AKAP9: variants seen among roughly 807,000 people sequenced by gnomAD.
The protein encoded by AKAP9 is A-kinase anchoring protein 9.
Under a neutral mutation model 488.5 loss-of-function variants are expected in AKAP9, and 311 were observed. The observed-to-expected ratio is 0.64, with a 90% CI of 0.58 to 0.70. The LOEUF is 0.70. AKAP9 is among the 30% of genes least tolerant of loss of function. AKAP9 has a pLI of 0.00. For missense variants in AKAP9, 4,215 were observed against 4,374.5 expected (o/e 0.96, Z 1.03); for synonymous variants, 1,462 against 1,483.5 (o/e 0.99, Z 0.33).
intron 31 of AKAP9, among the ~76,000 whole-genome samples, chr7:92,081,240 CAGAA>C (rs1365538415): frequency 6.6e-6 from 1 of 151,200 alleles, no homozygotes; most frequent in Admixed American, 6.6e-5. Context: ...GCAGACTTTA[CAGAA>C]AGAAATCTAT....
intron 28 of AKAP9, among the ~76,000 whole-genome samples, chr7:92,073,972 T>C (rs1812150843): frequency 6.6e-6 from 1 of 152,190 alleles, no homozygotes; most frequent in South Asian, 2.1e-4. Flanking sequence ...AAGGACTTCA[T>C]GTCTAAAACA....
Position 92,083,170 on chromosome 7 carries a change from G to C in AKAP9, c.8161G>C (p.Val2721Leu), listed in dbSNP as rs752167348. Reference sequence around the variant, plus strand: ...TACTGTTCTATTCATTACGTTTTAGGTAAAAGAAACAAATATGACATCTCT... The same window carrying C: ...TACTGTTCTATTCATTACGTTTTAGCTAAAAGAAACAAATATGACATCTCT... ...KAEKLQEELLVKETNMTSLQK... is the reference protein window; with the variant it reads ...KAEKLQEELLLKETNMTSLQK... The change falls in exon 33 of 50, where the codon GTA (valine) becomes CTA (leucine). Residue 2721 changes from valine (V) to leucine (L), a missense_variant and splice_region_variant. Coordinates refer to ENST00000356239, the MANE Select transcript of AKAP9 (RefSeq NM_005751.5). 21 of 1,613,596 alleles carry C rather than the reference G, an allele frequency of 1.3e-5. 1 individual carries two copies. The Admixed American group carries it at 3.0e-4, about 23-fold the overall frequency.
rs767049697 is a variant in AKAP9 at position 92,040,834 on chromosome 7, GAC to G, written c.4855_4856del (p.Gln1619AlafsTer12). The G allele has an allele frequency of 6.2e-7, 1 of 1,613,966 alleles. No individual in the cohort carries two copies. Among genetic ancestry groups the G allele is most frequent in the South Asian group, 1.1e-5 (1 of 91,058 alleles). The stretch of plus-strand genomic sequence containing the variant: ...CAAGCACATATGCGGCAAATGGAGA[GAC>G]AGCGAGAAGACCAGGAACAGCTACA... On this transcript the variant is annotated frameshift_variant, in exon 18 of 50. Coordinates refer to ENST00000356239, the MANE Select transcript of AKAP9 (RefSeq NM_005751.5). LOFTEE classifies it high-confidence loss of function.
intron 1 of AKAP9, among the ~76,000 whole-genome samples, chr7:91,955,298 A>G (rs1321372971): frequency 6.6e-6 from 1 of 152,230 alleles, no homozygotes; most frequent in Non-Finnish European, 1.5e-5. Context: ...GAATATATGT[A>G]AAATGTATGT....
intron 27 of AKAP9, 77 bp from the exon 28 acceptor site, chr7:92,070,828 A>G: frequency 1.1e-6 from 1 of 878,606 alleles, no homozygotes. Flanking sequence ...AAAAAAAAGC[A>G]GACCAAAAAA....
chr7:92,091,593 A>C (rs1349646170), intron 38 of AKAP9, among the ~76,000 whole-genome samples: 21 of 150,412 alleles, frequency 1.4e-4, no homozygotes, highest in Non-Finnish European at 2.8e-4. Context: ...CTCAAAAAAA[A>C]AAAACAAAAA....
chr7:91,993,194 CT>C (rs3216250), intron 5 of AKAP9, 139 bp downstream of exon 5: 24,958 of 592,616 alleles, frequency 0.042, no homozygotes, highest in East Asian at 0.058. Flanking sequence ...TCTTCTTCTT[CT>C]TTTTTTTTTT....
At position 92,045,174 on chromosome 7, in the gene AKAP9, G is replaced by C. The variant is rs1468249924; in HGVS notation, c.5329G>C (p.Ala1777Pro). ...CCTAATTTGGAGGTCAGAAGCAGAGGCATCTGTAAAGTCATGTGTCCATGA... is the reference window on the plus strand; with the variant it reads ...CCTAATTTGGAGGTCAGAAGCAGAGCCATCTGTAAAGTCATGTGTCCATGA... ...ASLIWRSEAEASVKSCVHEEH... is the reference protein window; with the variant it reads ...ASLIWRSEAEPSVKSCVHEEH... Residue 1777 changes from alanine (A) to proline (P), a missense_variant, in exon 21 of 50, where the codon GCA (alanine) becomes CCA (proline). This residue lies in a region of AKAP9 where 2,361 missense variants were observed against 2,430.0 expected (regional missense o/e 0.97). Transcript: ENST00000356239. The C allele has an allele frequency of 1.9e-6, 3 of 1,613,808 alleles. No homozygotes were observed. The highest frequency in any genetic ancestry group is 4.5e-5 in the East Asian group (2 of 44,856).
chr7:91,995,329 T>G (rs1321604880), intron 6 of AKAP9, among the ~76,000 whole-genome samples: 1 of 152,158 alleles, frequency 6.6e-6, no homozygotes, highest in African/African-American at 2.4e-5. Flanking sequence ...TGGAAAGCCA[T>G]AGGGAATTCG....
In AKAP9 at chr7:92,001,934, G is replaced by A; in HGVS notation, c.2017G>A (p.Glu673Lys). ...YKQQIDGLQN[E>K]MSQKIETMQF... ...ACAGCAGATAGATGGTTTACAGAAT[G>A]AAATGAGTCAAAAGATAGAAACCAT... is the stretch of plus-strand genomic sequence containing the variant. The change falls in exon 8 of 50, where the codon GAA (glutamate) becomes AAA (lysine). Residue 673 changes from glutamate to lysine, a missense_variant. This residue lies in a region of AKAP9 where 2,361 missense variants were observed against 2,430.0 expected (regional missense o/e 0.97). Coordinates refer to ENST00000356239, the MANE Select transcript of AKAP9 (RefSeq NM_005751.5). The A allele has an allele frequency of 6.2e-7, 1 of 1,612,876 alleles. No individual in the cohort carries two copies. Among genetic ancestry groups the A allele is most frequent in the Non-Finnish European group, 8.5e-7 (1 of 1,179,482 alleles).
intron 3 of AKAP9, among the ~76,000 whole-genome samples, chr7:91,988,297 C>CAAAAAAAA (rs5885797): frequency 3.7e-5 from 2 of 53,656 alleles, no homozygotes; most frequent in Non-Finnish European, 7.1e-5. Context: ...GACCCCCTCT[C>CAAAAAAAA]AAAAAAAAAA....
rs1799286252 is a variant in AKAP9 at position 92,002,422 on chromosome 7, A to G, written c.2505A>G (p.Gln835=). The stretch of plus-strand genomic sequence containing the variant: ...AGGAAAATGAGGACCTCAAACAACA[A>G]TGTATTCAGCTAAATGAAGAGATTG... The part of the protein sequence containing the change: ...LIEENEDLKQ[Q]CIQLNEEIEK... The change falls in exon 8 of 50, where the codon CAA becomes CAG. Residue 835 remains glutamine (Q), a synonymous_variant. Coordinates refer to ENST00000356239, the MANE Select transcript of AKAP9 (RefSeq NM_005751.5). 2.5e-6 allele frequency: 4 copies of G among 1,609,826 alleles called. No homozygotes were observed. The East Asian group carries it at 6.7e-5, about 27-fold the overall frequency.
chr7:92,093,205 C>G lies in AKAP9; in HGVS notation c.9467C>G (p.Ser3156Cys). Residue 3156 changes from serine to cysteine, a missense_variant, in exon 39 of 50, where the codon TCT becomes TGT. Coordinates refer to ENST00000356239, the MANE Select transcript of AKAP9 (RefSeq NM_005751.5). ...RATELQEQLS[S>C]EKMVVAELKS... ...ACGGAACTGCAGGAGCAGCTGAGTT[C>G]TGAGAAAATGGTGGTTGCTGAACTG... 1.2e-6 allele frequency: 2 copies of G among 1,614,164 alleles called. No homozygotes were observed. The highest frequency in any genetic ancestry group is 3.3e-4 in the Middle Eastern group (2 of 6,062).
At position 92,031,510 on chromosome 7, in the gene AKAP9, A is replaced by G. The variant is rs2130757241; in HGVS notation, c.4246-2A>G. The G allele has an allele frequency of 6.2e-7, 1 of 1,603,984 alleles. No homozygotes were observed. Among genetic ancestry groups the G allele is most frequent in the East Asian group, 2.2e-5 (1 of 44,644 alleles). ...AATGTCATATTTTGCTTTTAAATGTAGTTTTCTGGTGAATTTGGAGTGAAA... is the reference window on the plus strand; with the variant it reads ...AATGTCATATTTTGCTTTTAAATGTGGTTTTCTGGTGAATTTGGAGTGAAA... On this transcript the variant is annotated splice_acceptor_variant, in intron 15 of 49. Transcript: ENST00000356239. LOFTEE classifies it high-confidence loss of function.
In AKAP9 at chr7:91,943,317, G is replaced by T. The variant is rs575228392; in HGVS notation, c.48+2170G>T. On this transcript the variant is annotated intron_variant, in intron 1 of 49. Transcript: ENST00000356239. ...ATTTTAAAGCCATTAAGATTATGAA[G>T]ACTGATAGGAATATGAAAAATAGTG... Among the ~76,000 whole-genome samples the T allele has an allele frequency of 4.6e-5, 7 of 152,278 alleles. No homozygotes were observed. The South Asian group carries it at 1.4e-3, about 32-fold the overall frequency.
At chr7:91,974,635 T>C (rs1795443035) in intron 2 of AKAP9, among the ~76,000 whole-genome samples, 2 of 152,170 alleles carry the variant, frequency 1.3e-5, no homozygotes. Flanking sequence ...GTTTCTGCAT[T>C]AAAAACACCA....
At position 92,070,939 on chromosome 7, in the gene AKAP9, C is replaced by T; in HGVS notation, c.6542C>T (p.Ala2181Val). Residue 2181 changes from alanine (A) to valine (V), a missense_variant, in exon 28 of 50, where the codon GCT becomes GTT. Coordinates refer to ENST00000356239, the MANE Select transcript of AKAP9 (RefSeq NM_005751.5). ...EDRKHFGAVE[A>V]KPELSLEVQL... is the part of the protein sequence containing the mutation. ...CGAAAACACTTTGGAGCTGTAGAAG[C>T]TAAACCAGAATTGTCCCTAGAAGTA... The T allele has an allele frequency of 6.2e-7, 1 of 1,613,540 alleles. No homozygotes were observed. Among genetic ancestry groups the T allele is most frequent in the East Asian group, 2.2e-5 (1 of 44,854 alleles).
At chr7:92,096,616 C>T (rs756046794) in intron 40 of AKAP9, 73 bp from the exon 41 acceptor site, 32 of 1,574,238 alleles carry the variant, frequency 2.0e-5, no homozygotes, top group Non-Finnish European at 2.4e-5. Context: ...GGATTACAGG[C>T]GTGAGCCACC....
At chr7:92,043,023 GTTAAT>G in intron 20 of AKAP9, 1 of 295,684 alleles carries the variant, frequency 3.4e-6, no homozygotes, top group South Asian at 4.2e-5. Flanking sequence ...ATACTTAACT[GTTAAT>G]CACCTGATGT....
Sources: allele counts gnomAD v4.1 joint callset (sites outside exome capture counted in the v4.1 genomes callset), GRCh38; gene constraint gnomAD v4.1.1; regional missense constraint gnomAD v4.1.1; transcripts MANE v1.5; gene names NCBI Gene and HGNC (gene_info 2026-07-23, HGNC 2026-07-21).